Variants in MYO1B observed in about 807,000 individuals in gnomAD.
MYO1B encodes the protein myosin IB.
Under a neutral mutation model 159.7 loss-of-function variants are expected in MYO1B, and 72 were observed. The observed-to-expected ratio is 0.45, with a 90% CI of 0.37 to 0.55. The LOEUF is 0.55. Ranked by LOEUF, MYO1B falls within the 20% of genes least tolerant of loss-of-function variation. The pLI is 0.00. For missense variants in MYO1B, 1,062 were observed against 1,364.8 expected (o/e 0.78, Z 3.50); for synonymous variants, 468 against 473.8 (o/e 0.99, Z 0.16).
intron 2 of MYO1B, among the ~76,000 whole-genome samples, chr2:191,285,357 C>G (rs146115900): frequency 7.6e-4 from 115 of 152,214 alleles, no homozygotes; most frequent in African/African-American, 2.7e-3. Context: ...TGGCTGCAGC[C>G]CAGGAACAAG....
intron 5 of MYO1B, among the ~76,000 whole-genome samples, chr2:191,343,606 A>C (rs953637699): frequency 6.6e-6 from 1 of 151,954 alleles, no homozygotes; most frequent in Non-Finnish European, 1.5e-5. Flanking sequence ...CTTTTTGTTT[A>C]TTGTCTTTTG....
intron 13 of MYO1B, among the ~76,000 whole-genome samples, chr2:191,375,186 C>T (rs1238764957): frequency 1.3e-5 from 2 of 151,958 alleles, no homozygotes; most frequent in African/African-American, 4.8e-5. Context: ...TGAAAGTGAC[C>T]CATATATGGT....
chr2:191,339,828 T>C lies in MYO1B; in HGVS notation c.347-1633T>C, dbSNP rs549676924. 8.5e-5 allele frequency among the ~76,000 whole-genome samples: 13 copies of C among 152,288 alleles called. No homozygotes were observed. The South Asian group carries it at 2.7e-3, about 32-fold the overall frequency. On this transcript the variant is annotated intron_variant, in intron 4 of 30. Coordinates refer to ENST00000392318, the MANE Select transcript of MYO1B (RefSeq NM_001130158.3). ...CAGTGGCTCCTATTGGTTGATGCTT[T>C]TAGGTTGCGCAAAAGCCCTCAGGAA...
chr2:191,266,112 G>A (rs1326302104), intron 1 of MYO1B, among the ~76,000 whole-genome samples: 1 of 152,188 alleles, frequency 6.6e-6, no homozygotes, highest in Admixed American at 6.5e-5. Flanking sequence ...AGGGACAGTG[G>A]TGTTGGCTGC....
At chr2:191,330,163 G>T in intron 4 of MYO1B, 134 bp downstream of exon 4, 1 of 638,814 alleles carries the variant, frequency 1.6e-6, no homozygotes, top group Non-Finnish European at 2.7e-6. Flanking sequence ...GGAGGATACT[G>T]GTTAGGAACA....
chr2:191,330,134 C>G (rs1430410973), intron 4 of MYO1B, 105 bp downstream of exon 4: 1 of 876,178 alleles, frequency 1.1e-6, no homozygotes, highest in African/African-American at 1.7e-5. Context: ...CGCAGGGCCA[C>G]TGTGAGGGTG....
At chr2:191,367,378 G>A (rs1254119423) in intron 11 of MYO1B, among the ~76,000 whole-genome samples, 1 of 151,988 alleles carries the variant, frequency 6.6e-6, no homozygotes, top group Non-Finnish European at 1.5e-5. Context: ...GGTTTTGTTT[G>A]TTTGCTCTTT....
chr2:191,392,160 T>C lies in MYO1B; in HGVS notation c.2035T>C (p.Ser679Pro). The C allele has an allele frequency of 1.2e-6, 2 of 1,609,646 alleles. No individual in the cohort carries two copies. Among genetic ancestry groups the C allele is most frequent in the Non-Finnish European group, 8.5e-7 (1 of 1,176,750 alleles). Residue 679 changes from serine to proline, a missense_variant, in exon 19 of 31, where the codon TCC (serine) becomes CCC (proline). Transcript: ENST00000392318. Reference protein sequence around the residue: ...NELEIPVEEYSFGRSKIFIRN... With the variant: ...NELEIPVEEYPFGRSKIFIRN... ...ATTAGAAATTCCCGTGGAAGAATAC[T>C]CCTTTGGTAGATCAAAGATATTCAT... is the stretch of plus-strand genomic sequence containing the variant.
chr2:191,281,113 T>A (rs1326810341), intron 2 of MYO1B, among the ~76,000 whole-genome samples: 9 of 152,254 alleles, frequency 5.9e-5, no homozygotes, highest in Non-Finnish European at 8.8e-5. Flanking sequence ...ATATACCCCT[T>A]GTAACCCTTT....
chr2:191,267,018 A>G (rs950384382), intron 1 of MYO1B, among the ~76,000 whole-genome samples: 2 of 151,778 alleles, frequency 1.3e-5, no homozygotes, highest in African/African-American at 4.8e-5. Flanking sequence ...CTTGTTGATG[A>G]CTTTTATTGA....
At chr2:191,421,661 A>G (rs1271117464) in intron 30 of MYO1B, among the ~76,000 whole-genome samples, 1 of 152,064 alleles carries the variant, frequency 6.6e-6, no homozygotes, top group African/African-American at 2.4e-5. Context: ...TTTTTAGTAG[A>G]GACGTGGGTT....
chr2:191,420,754 C>T (rs1398250022), intron 30 of MYO1B, among the ~76,000 whole-genome samples: 1 of 152,150 alleles, frequency 6.6e-6, no homozygotes, highest in Non-Finnish European at 1.5e-5. Context: ...TATAGGTATA[C>T]ACGTGTGTAC....
At chr2:191,363,229 T>TTTAG (rs1361809485) in intron 9 of MYO1B, among the ~76,000 whole-genome samples, 1 of 152,184 alleles carries the variant, frequency 6.6e-6, no homozygotes, top group Non-Finnish European at 1.5e-5. Flanking sequence ...CAAGACTGGT[T>TTTAG]TTAGAACCAC....
At chr2:191,360,932 C>A (rs982119703) in intron 8 of MYO1B, among the ~76,000 whole-genome samples, 7 of 152,148 alleles carry the variant, frequency 4.6e-5, no homozygotes, top group African/African-American at 1.7e-4. Flanking sequence ...TTTTCAGTGT[C>A]ACAGCACTTT....
At chr2:191,359,572 A>G (rs975355834) in intron 7 of MYO1B, among the ~76,000 whole-genome samples, 6 of 152,154 alleles carry the variant, frequency 3.9e-5, no homozygotes, top group African/African-American at 1.4e-4. Context: ...TTCATCAAAT[A>G]TATATCCTTT....
intron 2 of MYO1B, among the ~76,000 whole-genome samples, chr2:191,280,263 GAA>G (rs1687977836): frequency 6.6e-6 from 1 of 152,166 alleles, no homozygotes; most frequent in Admixed American, 6.5e-5. Flanking sequence ...GAGTTAGTTG[GAA>G]ATGTCAGGTA....
chr2:191,267,349 A>G (rs1252754515), intron 1 of MYO1B, among the ~76,000 whole-genome samples: 1 of 152,252 alleles, frequency 6.6e-6, no homozygotes, highest in Non-Finnish European at 1.5e-5. Context: ...GAAATTGCCC[A>G]GTAGTTGTGC....
At chr2:191,398,840 C>T (rs941639298) in intron 21 of MYO1B, among the ~76,000 whole-genome samples, 5 of 151,758 alleles carry the variant, frequency 3.3e-5, no homozygotes, top group Non-Finnish European at 5.9e-5. Flanking sequence ...CAGGCAGAGA[C>T]GCTCCTCACT....
intron 21 of MYO1B, among the ~76,000 whole-genome samples, chr2:191,399,298 AG>A (rs1696452494): frequency 7.1e-6 from 1 of 140,098 alleles, no homozygotes; most frequent in Admixed American, 7.0e-5. Context: ...GGAGAGGGAG[AG>A]GGAGAGGGAG....
Sources: gnomAD v4.1 joint callset for allele counts (sites outside exome capture counted in the v4.1 genomes callset) on GRCh38, gnomAD v4.1.1 for gene constraint, MANE v1.5 for transcripts, NCBI Gene and HGNC (gene_info 2026-07-23, HGNC 2026-07-21) for gene names.